DPP10: variants seen among roughly 807,000 people sequenced by gnomAD.
The protein encoded by DPP10 is dipeptidyl peptidase like 10, also known as inactive dipeptidyl peptidase 10.
DPP10 carries 33 observed loss-of-function variants against 120.9 expected under a neutral mutation model. That is an observed-to-expected ratio of 0.27 (90% CI 0.21 to 0.37). DPP10 has a LOEUF of 0.37. DPP10 is among the 10% of genes least tolerant of loss of function. The pLI is 1.00. For missense variants in DPP10, 816 were observed against 942.8 expected (o/e 0.87, Z 1.76); for synonymous variants, 337 against 326.1 (o/e 1.03, Z -0.36).
chr2:115,675,933 G>A (rs567029566), intron 5 of DPP10, among the ~76,000 whole-genome samples: 20 of 152,068 alleles, frequency 1.3e-4, no homozygotes, highest in East Asian at 9.7e-4. Flanking sequence ...GCAGTGTTGC[G>A]CCACCAGCTG....
chr2:115,311,595 G>T (rs2061580296), intron 2 of DPP10, among the ~76,000 whole-genome samples: 1 of 152,028 alleles, frequency 6.6e-6, no homozygotes, highest in African/African-American at 2.4e-5. Context: ...CACATTCTAG[G>T]TGCTGTTGTA....
intron 1 of DPP10, among the ~76,000 whole-genome samples, chr2:114,899,238 A>G (rs1199265515): frequency 6.6e-6 from 1 of 152,064 alleles, no homozygotes; most frequent in Non-Finnish European, 1.5e-5. Flanking sequence ...TCTATTTTCT[A>G]GAGGCAGCTA....
At chr2:114,486,170 G>C (rs1212218010) in intron 1 of DPP10, among the ~76,000 whole-genome samples, 1 of 123,416 alleles carries the variant, frequency 8.1e-6, no homozygotes, top group East Asian at 2.4e-4. Flanking sequence ...GTGTAGATCA[G>C]ACTGACTAGG....
At chr2:114,716,881 C>T (rs539655756) in intron 1 of DPP10, among the ~76,000 whole-genome samples, 2 of 152,174 alleles carry the variant, frequency 1.3e-5, no homozygotes, top group Admixed American at 1.3e-4. Context: ...CCATTTTATA[C>T]TTGACCCAAT....
intron 1 of DPP10, among the ~76,000 whole-genome samples, chr2:115,061,306 G>T (rs1008737810): frequency 6.6e-6 from 1 of 152,186 alleles, no homozygotes. Flanking sequence ...TTCATAGATA[G>T]AGATGAAAAT....
At chr2:114,818,362 C>A (rs868572900) in intron 1 of DPP10, among the ~76,000 whole-genome samples, 1 of 152,118 alleles carries the variant, frequency 6.6e-6, no homozygotes, top group Non-Finnish European at 1.5e-5. Flanking sequence ...ATATGTTGAA[C>A]TCTTATTATC....
chr2:115,237,675 A>G (rs1308024090), intron 1 of DPP10, among the ~76,000 whole-genome samples: 1 of 152,238 alleles, frequency 6.6e-6, no homozygotes, highest in Non-Finnish European at 1.5e-5. Flanking sequence ...GTGCTACTCC[A>G]GTGAATGCAC....
chr2:115,590,271 C>A (rs7570191), intron 5 of DPP10, among the ~76,000 whole-genome samples: 149,505 of 151,594 alleles, frequency 0.99, 73,758 homozygotes, highest in East Asian at 1. Context: ...GCACCTGTTA[C>A]CTCGTCATTT....
chr2:115,155,064 TTTA>T (rs2051813633), intron 1 of DPP10, among the ~76,000 whole-genome samples: 1 of 148,838 alleles, frequency 6.7e-6, no homozygotes, highest in Non-Finnish European at 1.5e-5. Context: ...GCTAATTTTA[TTTA>T]TTTTTTTTTT....
chr2:114,500,537 C>T (rs906628679), intron 1 of DPP10, among the ~76,000 whole-genome samples: 26 of 152,224 alleles, frequency 1.7e-4, no homozygotes, highest in African/African-American at 6.0e-4. Context: ...TTCCAGAAAC[C>T]AGATTTGGAC....
chr2:115,704,633 T>C (rs1321528178), intron 7 of DPP10, among the ~76,000 whole-genome samples: 1 of 151,978 alleles, frequency 6.6e-6, no homozygotes. Context: ...GTTTTGAGGA[T>C]TGTATAATAT....
At chr2:115,212,205 G>A (rs1034226944) in intron 1 of DPP10, among the ~76,000 whole-genome samples, 22 of 152,122 alleles carry the variant, frequency 1.4e-4, no homozygotes, top group Admixed American at 4.6e-4. Context: ...TAGAGAACAT[G>A]CTGGAGTGAA....
At chr2:115,373,660 T>C (rs897351597) in intron 3 of DPP10, among the ~76,000 whole-genome samples, 10 of 152,044 alleles carry the variant, frequency 6.6e-5, no homozygotes, top group Non-Finnish European at 1.5e-4. Context: ...AAAATGGTAA[T>C]AAAGTTCTGA....
chr2:115,518,618 A>G (rs115545008), intron 4 of DPP10, among the ~76,000 whole-genome samples: 5,949 of 152,150 alleles, frequency 0.039, 194 homozygotes, highest in Non-Finnish European at 0.057. Context: ...CATATTACTA[A>G]TTGAAATACT....
At chr2:115,798,327 A>C (rs1684775203) in intron 19 of DPP10, among the ~76,000 whole-genome samples, 1 of 152,172 alleles carries the variant, frequency 6.6e-6, no homozygotes, top group South Asian at 2.1e-4. Flanking sequence ...ATATAAGATT[A>C]ACTATATTAT....
intron 1 of DPP10, among the ~76,000 whole-genome samples, chr2:114,942,400 C>T (rs7422034): frequency 0.15 from 15,173 of 99,080 alleles, 1,219 homozygotes; most frequent in Middle Eastern, 0.28. Flanking sequence ...TACACACACA[C>T]ACATATATAT....
At chr2:115,792,341 AT>A (rs1274817576) in intron 19 of DPP10, among the ~76,000 whole-genome samples, 3 of 152,094 alleles carry the variant, frequency 2.0e-5, no homozygotes, top group Non-Finnish European at 2.9e-5. Context: ...TCTTATAATT[AT>A]TGCGATTATA....
intron 1 of DPP10, among the ~76,000 whole-genome samples, chr2:115,184,509 G>A (rs7572788): frequency 3.3e-5 from 5 of 151,998 alleles, no homozygotes; most frequent in South Asian, 2.1e-4. Context: ...AGTCACATTC[G>A]CTTTGAAGGC....
Position 115,343,921 on chromosome 2 carries a change from A to G in DPP10, c.271+9A>G, listed in dbSNP as rs2063577507. ...GGCTCGGTGGATCAATGGTAAGTGT[A>G]TACCTTTTTAAACATTGTATTCATT... On this transcript the variant is annotated intron_variant, in intron 3 of 25. Transcript: ENST00000410059. The G allele has an allele frequency of 6.4e-7, 1 of 1,562,610 alleles. No individual in the cohort carries two copies. The highest frequency in any genetic ancestry group is 2.3e-5 in the East Asian group (1 of 43,878).
Sources: gnomAD v4.1 joint callset for allele counts (sites outside exome capture counted in the v4.1 genomes callset) on GRCh38, gnomAD v4.1.1 for gene constraint, MANE v1.5 for transcripts, NCBI Gene and HGNC (gene_info 2026-07-23, HGNC 2026-07-21) for gene names.